The following ABLIM2 variants were observed in gnomAD, a reference collection of about 807,000 sequenced individuals.
ABLIM2 encodes actin binding LIM protein family member 2.
A neutral mutation model predicts 97.7 loss-of-function variants in ABLIM2; 53 were observed. That is an observed-to-expected ratio of 0.54 (90% CI 0.44 to 0.68). The LOEUF (loss-of-function observed/expected upper bound fraction) is 0.68, where lower values mean the gene tolerates loss of function less well. ABLIM2 is among the 30% of genes least tolerant of loss of function. The probability of loss-of-function intolerance (pLI) is 0.00; values close to 1 mark genes in which losing one functional copy is unlikely to be tolerated. For synonymous variants in ABLIM2, 361 were observed against 345.8 expected, an observed-to-expected ratio of 1.04 and a Z score of -0.49; for missense variants, 835 against 867.2, an observed-to-expected ratio of 0.96 and a Z score of 0.47.
intron 16 of ABLIM2, among the ~76,000 whole-genome samples, chr4:7,995,840 C>T (rs1008454892): frequency 6.6e-6 from 1 of 152,144 alleles, no homozygotes; most frequent in African/African-American, 2.4e-5. Flanking sequence ...GCTATTCCTC[C>T]CCCTCCCAGC....
Position 8,075,142 on chromosome 4 carries a change from G to A in ABLIM2, c.675+2486C>T, listed in dbSNP as rs1815179934. On this transcript the variant is annotated intron_variant, in intron 6 of 20. Coordinates refer to ENST00000447017, the MANE Select transcript of ABLIM2 (RefSeq NM_001130083.2). The surrounding 1 kb of genome is among the most constrained non-coding windows in gnomAD (Gnocchi z 4.4). ...TGATGCGAGAGTAAAGCTTATGTCCGAACGAACCTTGAAAACATCAAGCTA... is the reference window on the plus strand; with the variant it reads ...TGATGCGAGAGTAAAGCTTATGTCCAAACGAACCTTGAAAACATCAAGCTA... 1.3e-5 allele frequency among the ~76,000 whole-genome samples: 2 copies of A among 152,132 alleles called. No individual in the cohort carries two copies. Among genetic ancestry groups the A allele is most frequent in the South Asian group, 4.1e-4 (2 of 4,822 alleles).
At chr4:8,059,360 T>C (rs1055433185) in intron 7 of ABLIM2, among the ~76,000 whole-genome samples, 6 of 151,816 alleles carry the variant, frequency 4.0e-5, no homozygotes, top group African/African-American at 1.5e-4. Context: ...GAAGTGACCA[T>C]TTTGTAAGGG....
rs1846613131 is a variant in ABLIM2, at chr4:8,123,854, G to A, written c.11-17217C>T. 6.6e-6 allele frequency among the ~76,000 whole-genome samples: 1 copy of A among 152,096 alleles called. No homozygotes were observed. The highest frequency in any genetic ancestry group is 2.4e-5 in the African/African-American group (1 of 41,390). ...GGGCAGGAGGTGGCACGGGGTGGGAGCCCTGCCTGGGATCCTTGCTAACCT... is the reference window on the plus strand; with the variant it reads ...GGGCAGGAGGTGGCACGGGGTGGGAACCCTGCCTGGGATCCTTGCTAACCT... On this transcript the variant is annotated intron_variant, in intron 1 of 20. Coordinates refer to ENST00000447017, the MANE Select transcript of ABLIM2 (RefSeq NM_001130083.2). The surrounding 1 kb of genome is among the most constrained non-coding windows in gnomAD (Gnocchi z 6.2).
intron 14 of ABLIM2, among the ~76,000 whole-genome samples, chr4:8,017,811 G>A (rs1348207537): frequency 6.6e-6 from 1 of 152,134 alleles, no homozygotes; most frequent in Non-Finnish European, 1.5e-5. Flanking sequence ...GGCCAACATG[G>A]TGAAACCCCA....
chr4:7,999,144 C>A lies in ABLIM2; in HGVS notation c.1619-6217G>T, dbSNP rs1195596760. Among the ~76,000 whole-genome samples, 1 of 152,212 alleles carries A rather than the reference C, an allele frequency of 6.6e-6. No homozygotes were observed. Among genetic ancestry groups the A allele is most frequent in the Non-Finnish European group, 1.5e-5 (1 of 68,034 alleles). Reference sequence around the variant, plus strand: ...ACAATGGCGTGATCTTGGCTCACTGCAACCTCCTGGGTTCAAGCGATTCTC... The same window carrying A: ...ACAATGGCGTGATCTTGGCTCACTGAAACCTCCTGGGTTCAAGCGATTCTC... On this transcript the variant is annotated intron_variant, in intron 16 of 20. Coordinates refer to ENST00000447017, the MANE Select transcript of ABLIM2 (RefSeq NM_001130083.2). This position sits in a 1 kb window ranked among gnomAD's most constrained non-coding sequence, Gnocchi z 4.4.
intron 1 of ABLIM2, among the ~76,000 whole-genome samples, chr4:8,145,755 C>T (rs867197277): frequency 0.019 from 2,520 of 131,038 alleles, 28 homozygotes; most frequent in Non-Finnish European, 0.023. Context: ...TACACACACA[C>T]ACACACACAC....
Position 7,992,998 on chromosome 4 carries a change from G to C in ABLIM2, c.1619-71C>G. 6.5e-7 allele frequency: 1 copy of C among 1,547,496 alleles called. No homozygotes were observed. The highest frequency in any genetic ancestry group is 2.3e-5 in the East Asian group (1 of 43,704). ...CAGCAATGGGGGTGCAGCCCTGGGG[G>C]GGCTTCCCACCGGGGTGGGCAAGGC... On this transcript the variant is annotated intron_variant, in intron 16 of 20. Coordinates refer to ENST00000447017, the MANE Select transcript of ABLIM2 (RefSeq NM_001130083.2). The surrounding 1 kb of genome is among the most constrained non-coding windows in gnomAD (Gnocchi z 5.7).
At chr4:8,152,489 C>A (rs1394146585) in intron 1 of ABLIM2, among the ~76,000 whole-genome samples, 1 of 152,266 alleles carries the variant, frequency 6.6e-6, no homozygotes, top group Non-Finnish European at 1.5e-5. Context: ...GCCGCAGTCT[C>A]TGCGACATTT....
intron 1 of ABLIM2, among the ~76,000 whole-genome samples, chr4:8,115,933 G>A (rs1196838486): frequency 6.6e-6 from 1 of 152,150 alleles, no homozygotes; most frequent in Non-Finnish European, 1.5e-5. Context: ...ACCACTCCAC[G>A]CTGTGACCAC....
At position 8,035,468 on chromosome 4, in the gene ABLIM2, G is replaced by A. The variant is rs533434548; in HGVS notation, c.1047+681C>T. Reference sequence around the variant, plus strand: ...CCCCGGGGAGCCCCCCATGCCTGGCGGCACGCATGTCAAGAGCACACACAC... The same window carrying A: ...CCCCGGGGAGCCCCCCATGCCTGGCAGCACGCATGTCAAGAGCACACACAC... On this transcript the variant is annotated intron_variant, in intron 10 of 20. Coordinates refer to ENST00000447017, the MANE Select transcript of ABLIM2 (RefSeq NM_001130083.2). Among the ~76,000 whole-genome samples the A allele has an allele frequency of 2.6e-5, 4 of 152,314 alleles. No individual in the cohort carries two copies. In the South Asian group the frequency reaches 8.3e-4, roughly 32 times the overall value.
rs987270150 is a variant in ABLIM2 at position 8,127,437 on chromosome 4, C to T, written c.11-20800G>A. The T allele has an allele frequency of 8.1e-7, 1 of 1,238,918 alleles. No individual in the cohort carries two copies. Among genetic ancestry groups the T allele is most frequent in the African/African-American group, 1.5e-5 (1 of 64,754 alleles). 76.7% of individuals were successfully genotyped at this position (1,238,918 alleles called of 1,614,324 possible). A position where few individuals can be genotyped will look rare whatever the true frequency, so the allele number is the denominator to read the frequency against. On this transcript the variant is annotated intron_variant, in intron 1 of 20. Transcript: ENST00000447017. This position sits in a 1 kb window ranked among gnomAD's most constrained non-coding sequence, Gnocchi z 7.3. ...CTGGACCCGTCCTTTCCCACCAGAC[C>T]CCTGAAGCTGATTCATGGAGCTCAC...
intron 1 of ABLIM2, among the ~76,000 whole-genome samples, chr4:8,121,215 C>T (rs373730595): frequency 3.9e-5 from 6 of 152,168 alleles, no homozygotes; most frequent in Non-Finnish European, 4.4e-5. Flanking sequence ...GGTGACCACA[C>T]GGGGCTGGCA....
chr4:8,156,023 T>C (rs1451565484), intron 1 of ABLIM2, among the ~76,000 whole-genome samples: 4 of 152,174 alleles, frequency 2.6e-5, no homozygotes, highest in Non-Finnish European at 4.4e-5. Context: ...TTTAGTACTT[T>C]GTTATGGAGC....
At chr4:8,111,281 T>C (rs1840159605) in intron 1 of ABLIM2, among the ~76,000 whole-genome samples, 1 of 152,202 alleles carries the variant, frequency 6.6e-6, no homozygotes, top group South Asian at 2.1e-4. Flanking sequence ...TGTGACATGC[T>C]GGAAAAGGCA....
intron 1 of ABLIM2, among the ~76,000 whole-genome samples, chr4:8,136,374 G>A (rs1041984802): frequency 1.3e-5 from 2 of 152,242 alleles, no homozygotes; most frequent in Non-Finnish European, 2.9e-5. Flanking sequence ...GCACAGCACC[G>A]TGTAAGTGTA....
intron 1 of ABLIM2, among the ~76,000 whole-genome samples, chr4:8,151,070 A>G (rs1712540693): frequency 6.6e-6 from 1 of 152,152 alleles, no homozygotes; most frequent in Admixed American, 6.5e-5. Context: ...CATCACCTGT[A>G]CTTTTTATGT....
rs1754638108 is a variant in ABLIM2 at position 7,998,120 on chromosome 4, A to G, written c.1619-5193T>C. 6.6e-6 allele frequency among the ~76,000 whole-genome samples: 1 copy of G among 151,796 alleles called. No individual in the cohort carries two copies. The highest frequency in any genetic ancestry group is 1.5e-5 in the Non-Finnish European group (1 of 67,980). On this transcript the variant is annotated intron_variant, in intron 16 of 20. Transcript: ENST00000447017. This position sits in a 1 kb window ranked among gnomAD's most constrained non-coding sequence, Gnocchi z 6.4. ...CGTCTTCAACTCCTGATCTCAGGTG[A>G]TCTGATCCGTCCTCCTCGGCCTCCC...
At chr4:8,131,637 C>T (rs1043496777) in intron 1 of ABLIM2, among the ~76,000 whole-genome samples, 1 of 149,016 alleles carries the variant, frequency 6.7e-6, no homozygotes, top group Non-Finnish European at 1.5e-5. Flanking sequence ...TCCCTGAGCA[C>T]AGCAGCCCGC....
At chr4:8,154,364 C>T (rs1309773251) in intron 1 of ABLIM2, among the ~76,000 whole-genome samples, 1 of 150,280 alleles carries the variant, frequency 6.7e-6, no homozygotes, top group Non-Finnish European at 1.5e-5. Flanking sequence ...TCACTGCAAC[C>T]TCTGACTCCC....
Sources: allele counts gnomAD v4.1 joint callset (sites outside exome capture counted in the v4.1 genomes callset), GRCh38; gene constraint gnomAD v4.1.1; non-coding constraint Gnocchi (gnomAD v3.1); transcripts MANE v1.5; gene names NCBI Gene and HGNC (gene_info 2026-07-23, HGNC 2026-07-21).